Variants in HEPACAM observed in about 807,000 individuals in gnomAD.
The protein encoded by HEPACAM is hepatocyte cell adhesion molecule.
HEPACAM carries 18 observed loss-of-function variants against 38.3 expected under a neutral mutation model. That is an observed-to-expected ratio of 0.47 (90% confidence interval 0.33 to 0.70). HEPACAM has a LOEUF of 0.70. HEPACAM is among the 30% of genes least tolerant of loss of function. The pLI, the probability that HEPACAM is intolerant of heterozygous loss-of-function variation, is 0.03. For missense variants in HEPACAM, 466 were observed against 563.0 expected, an observed-to-expected ratio of 0.83 and a Z score of 1.74; for synonymous variants, 216 against 243.1, an observed-to-expected ratio of 0.89 and a Z score of 1.04.
intron 1 of HEPACAM, among the ~76,000 whole-genome samples, chr11:124,927,681 A>G (rs1008116912): frequency 1.3e-5 from 2 of 152,076 alleles, no homozygotes; most frequent in African/African-American, 2.4e-5. Context: ...TAGCTCTGAC[A>G]TTCTATGATT....
chr11:124,926,413 T>C (rs2135401533), intron 1 of HEPACAM, among the ~76,000 whole-genome samples: 1 of 152,314 alleles, frequency 6.6e-6, no homozygotes, highest in East Asian at 1.9e-4. Flanking sequence ...GTAGGCTAGA[T>C]GGTCTCATTG....
At chr11:124,925,611 G>A (rs1375758500) in intron 1 of HEPACAM, among the ~76,000 whole-genome samples, 1 of 152,146 alleles carries the variant, frequency 6.6e-6, no homozygotes, top group African/African-American at 2.4e-5. Context: ...TGCCAGTAAA[G>A]GGAAAGTTTA....
At position 124,921,214 on chromosome 11, in the gene HEPACAM, G is replaced by C; in HGVS notation, c.1175C>G (p.Ser392Trp). ...CACGCCCGCAGTCCGCAGTGTGCGC[G>C]AGGCGCTGCGCGAGCGGCCGGGCGA... ...PSSPGRSRSA[S>W]RTLRTAGVHI... The change falls in exon 7 of 7, where the codon TCG becomes TGG. Residue 392 changes from serine to tryptophan, a missense_variant. By Grantham distance (177) the Ser-to-Trp change is radical (BLOSUM62 -3). Coordinates refer to ENST00000298251, the MANE Select transcript of HEPACAM (RefSeq NM_152722.5). The surrounding 1 kb of genome is among the most constrained non-coding windows in gnomAD (Gnocchi z 4.6). 2 of 1,484,164 alleles carry C rather than the reference G, an allele frequency of 1.3e-6. No homozygotes were observed. The highest frequency in any genetic ancestry group is 1.8e-6 in the Non-Finnish European group (2 of 1,123,996). The allele number at this position is 1,484,164 out of a possible 1,614,324, so 91.9% of individuals were successfully genotyped here.
chr11:124,931,332 C>T (rs989500043), intron 1 of HEPACAM, among the ~76,000 whole-genome samples: 2 of 152,046 alleles, frequency 1.3e-5, no homozygotes, highest in African/African-American at 2.4e-5. Context: ...CTCAACCTCC[C>T]AAGTAGCTGG....
intron 5 of HEPACAM, 35 bp from the exon 6 acceptor site, chr11:124,922,493 G>A (rs1449953968): frequency 6.2e-7 from 1 of 1,609,692 alleles, no homozygotes; most frequent in Admixed American, 1.7e-5. Flanking sequence ...GCTGGCCCAG[G>A]TACAGACTCT....
At chr11:124,925,361 C>T (rs552744284) in intron 1 of HEPACAM, among the ~76,000 whole-genome samples, 2 of 152,328 alleles carry the variant, frequency 1.3e-5, no homozygotes, top group African/African-American at 4.8e-5. Context: ...TCACCCACAC[C>T]CTATGCGCTC....
intron 1 of HEPACAM, 76 bp downstream of exon 1, chr11:124,935,846 C>G (rs1189011617): frequency 7.7e-7 from 1 of 1,296,718 alleles, no homozygotes; most frequent in African/African-American, 1.5e-5. Context: ...CATTCAGGCC[C>G]TCCACTCTCC....
intron 1 of HEPACAM, among the ~76,000 whole-genome samples, chr11:124,930,791 C>T (rs1423903565): frequency 6.6e-6 from 1 of 152,134 alleles, no homozygotes; most frequent in East Asian, 1.9e-4. Context: ...AGTGCTGGGC[C>T]ATGTAGGATA....
At position 124,921,958 on chromosome 11, in the gene HEPACAM, G is replaced by A. The variant is rs1947144961; in HGVS notation, c.948+430C>T. 6.6e-6 allele frequency among the ~76,000 whole-genome samples: 1 copy of A among 152,256 alleles called. No homozygotes were observed. The highest frequency in any genetic ancestry group is 2.4e-5 in the African/African-American group (1 of 41,472). ...GAGGACTGGTACTGGTCCATAGCCT[G>A]TTAGGAAGGGAGCGGCAGAGCAGGA... On this transcript the variant is annotated intron_variant, in intron 6 of 6. Transcript: ENST00000298251. This position sits in a 1 kb window ranked among gnomAD's most constrained non-coding sequence, Gnocchi z 4.6.
rs1268862289 is a variant in HEPACAM, at chr11:124,921,431, C to A, written c.958G>T (p.Glu320Ter). 7.9e-7 allele frequency: 1 copy of A among 1,268,622 alleles called. No individual in the cohort carries two copies. Among genetic ancestry groups the A allele is most frequent in the Non-Finnish European group, 9.9e-7 (1 of 1,010,230 alleles). The allele number at this position is 1,268,622 out of a possible 1,614,324, so 78.6% of individuals were successfully genotyped here. ...TCCGGGGCCGGGTTCTCCTCGGTCT[C>A]CGGGGAGTCCTGCAAGGACACGCGC... ...LYILKDKDSPETEENPAPEPR... is the reference protein window; with the variant it reads ...LYILKDKDSP The change falls in exon 7 of 7, where the codon GAG becomes TAG. Residue 320 changes from glutamate to a stop codon, truncating the protein, a stop_gained. Transcript: ENST00000298251. LOFTEE classifies it high-confidence loss of function. This position sits in a 1 kb window ranked among gnomAD's most constrained non-coding sequence, Gnocchi z 4.6.
intron 1 of HEPACAM, among the ~76,000 whole-genome samples, chr11:124,927,619 T>C (rs1947234118): frequency 6.6e-6 from 1 of 151,566 alleles, no homozygotes; most frequent in Admixed American, 6.6e-5. Flanking sequence ...TCCACCCGTG[T>C]TGGCCTCCCA....
At chr11:124,922,088 TTCGATTC>T (rs902082441) in intron 6 of HEPACAM, among the ~76,000 whole-genome samples, 7 of 152,226 alleles carry the variant, frequency 4.6e-5, no homozygotes, top group South Asian at 2.1e-4. Context: ...CGTGGCTGCA[TTCGATTC>T]TCGATTCTCG....
Position 124,920,517 on chromosome 11 carries a change from C to A in HEPACAM, c.*621G>T. The A allele has an allele frequency of 6.9e-7, 1 of 1,449,748 alleles. No individual in the cohort carries two copies. Among genetic ancestry groups the A allele is most frequent in the Non-Finnish European group, 9.2e-7 (1 of 1,085,790 alleles). 89.8% of individuals were successfully genotyped at this position (1,449,748 alleles called of 1,614,324 possible). ...ATGTACTCGTACCCTTCCCTCACCA[C>A]CTTGTAGGTCCCCAGGTACCAGGTG... On this transcript the variant is annotated 3_prime_UTR_variant, in exon 7 of 7. Transcript: ENST00000298251.
intron 1 of HEPACAM, among the ~76,000 whole-genome samples, chr11:124,933,382 G>A (rs904277494): frequency 6.6e-6 from 1 of 150,838 alleles, no homozygotes; most frequent in Non-Finnish European, 1.5e-5. Context: ...TGTTCCTCAG[G>A]CTGGTCTCGA....
In HEPACAM at chr11:124,923,802, G is replaced by A. The variant is rs137886095; in HGVS notation, c.636C>T (p.Asp212=). The A allele has an allele frequency of 1.1e-4, 170 of 1,614,226 alleles. No homozygotes were observed. The African/African-American group carries it at 1.1e-3, about 10-fold the overall frequency. Residue 212 remains aspartate, a synonymous_variant, in exon 3 of 7, where the codon GAC becomes GAT. Transcript: ENST00000298251. The stretch of plus-strand genomic sequence containing the variant: ...TCTCCACCATGCAGCTGTACAGGTC[G>A]TCATCCTCCATGAGCACGCGGGTGA... The part of the protein sequence containing the change: ...LTITRVLMED[D]DLYSCMVENP...
At chr11:124,933,032 T>C (rs890040258) in intron 1 of HEPACAM, among the ~76,000 whole-genome samples, 4 of 152,194 alleles carry the variant, frequency 2.6e-5, no homozygotes, top group East Asian at 3.8e-4. Flanking sequence ...TTTTCCTAAA[T>C]AATATATTAG....
Position 124,920,079 on chromosome 11 carries a change from G to T in HEPACAM, c.*1059C>A. On this transcript the variant is annotated 3_prime_UTR_variant, in exon 7 of 7. Transcript: ENST00000298251. ...GAGCATGTGGGAGCAGGGCAGATGG[G>T]TGGCAGGAGGCCAGGGGTTGGATCA... The T allele has an allele frequency of 6.5e-7, 1 of 1,541,772 alleles. No homozygotes were observed. Among genetic ancestry groups the T allele is most frequent in the Non-Finnish European group, 8.8e-7 (1 of 1,137,290 alleles).
At position 124,921,050 on chromosome 11, in the gene HEPACAM, C is replaced by G; in HGVS notation, c.*88G>C. ...CCCCGGGACCTCCCCTCGTCCCCAG[C>G]GCGCCGCGCCCGGGCTTCCCAGCCC... On this transcript the variant is annotated 3_prime_UTR_variant, in exon 7 of 7. Coordinates refer to ENST00000298251, the MANE Select transcript of HEPACAM (RefSeq NM_152722.5). The surrounding 1 kb of genome is among the most constrained non-coding windows in gnomAD (Gnocchi z 4.6). 4.1e-6 allele frequency: 6 copies of G among 1,454,290 alleles called. No homozygotes were observed. The highest frequency in any genetic ancestry group is 2.9e-5 in the African/African-American group (2 of 67,988). 90.1% of individuals were successfully genotyped at this position (1,454,290 alleles called of 1,614,324 possible).
At position 124,919,593 on chromosome 11, in the gene HEPACAM, A is replaced by G; in HGVS notation, c.*1545T>C. On this transcript the variant is annotated 3_prime_UTR_variant, in exon 7 of 7. Transcript: ENST00000298251. Reference sequence around the variant, plus strand: ...TATGGATGAGGCACCTGGGAAGTTTAGGGGAGCTGCGAAGGCACACCTGCT... The same window carrying G: ...TATGGATGAGGCACCTGGGAAGTTTGGGGGAGCTGCGAAGGCACACCTGCT... 2.7e-6 allele frequency: 2 copies of G among 738,664 alleles called. No homozygotes were observed. Among genetic ancestry groups the G allele is most frequent in the South Asian group, 1.9e-5 (1 of 52,788 alleles). The allele number at this position is 738,664 out of a possible 1,614,324, so 45.8% of individuals were successfully genotyped here. A position where few individuals can be genotyped will look rare whatever the true frequency, so the allele number is the denominator to read the frequency against.
Sources: allele counts gnomAD v4.1 joint callset (sites outside exome capture counted in the v4.1 genomes callset), GRCh38; gene constraint gnomAD v4.1.1; non-coding constraint Gnocchi (gnomAD v3.1); transcripts MANE v1.5; gene names NCBI Gene and HGNC (gene_info 2026-07-23, HGNC 2026-07-21).